The following STXBP5L variants were observed in gnomAD, a reference collection of about 807,000 sequenced individuals.
STXBP5L encodes syntaxin-binding protein 5-like.
STXBP5L carries 65 observed loss-of-function variants against 144.5 expected under a neutral mutation model. The observed-to-expected ratio is 0.45, with a 90% confidence interval of 0.37 to 0.55. The LOEUF (loss-of-function observed/expected upper bound fraction) is 0.55, where lower values mean the gene tolerates loss of function less well. Among genes scored for constraint, STXBP5L ranks in the 20% least tolerant of loss-of-function variants. STXBP5L has a pLI of 0.00. For missense variants in STXBP5L, 1,298 were observed against 1,405.5 expected (o/e 0.92, Z 1.22); for synonymous variants, 505 against 469.6 (o/e 1.08, Z -0.97).
intron 3 of STXBP5L, among the ~76,000 whole-genome samples, chr3:120,997,220 T>C (rs941726299): frequency 6.6e-6 from 1 of 152,212 alleles, no homozygotes; most frequent in East Asian, 1.9e-4. Flanking sequence ...ATTCCATGTC[T>C]TTCCTATTGT....
chr3:121,382,350 C>T (rs2046341257), intron 22 of STXBP5L, among the ~76,000 whole-genome samples: 1 of 152,024 alleles, frequency 6.6e-6, no homozygotes, highest in South Asian at 2.1e-4. Context: ...GTAGAATAGT[C>T]AGTTCTCTAC....
chr3:121,062,736 C>T (rs774125606), intron 5 of STXBP5L, among the ~76,000 whole-genome samples: 3 of 152,204 alleles, frequency 2.0e-5, no homozygotes, highest in African/African-American at 4.8e-5. Context: ...ATCTTGTCTT[C>T]GTGCTGTATT....
chr3:121,256,661 A>G (rs1252378302), intron 16 of STXBP5L, among the ~76,000 whole-genome samples: 2 of 151,998 alleles, frequency 1.3e-5, no homozygotes, highest in African/African-American at 4.8e-5. Flanking sequence ...AAAGTTTTTT[A>G]TACTAAAAGG....
chr3:121,228,193 C>T (rs919251142), intron 11 of STXBP5L, among the ~76,000 whole-genome samples: 7 of 152,126 alleles, frequency 4.6e-5, no homozygotes, highest in Non-Finnish European at 1.0e-4. Context: ...AACCTTAACC[C>T]TTGTAAAGTT....
rs975098296 is a variant in STXBP5L at position 121,178,220 on chromosome 3, A to G, written c.877+20593A>G. Among the ~76,000 whole-genome samples, 4 of 152,318 alleles carry G rather than the reference A, an allele frequency of 2.6e-5. No individual in the cohort carries two copies. In the East Asian group the frequency reaches 5.8e-4, roughly 22 times the overall value. On this transcript the variant is annotated intron_variant, in intron 9 of 26. Coordinates refer to ENST00000471454, the MANE Select transcript of STXBP5L (RefSeq NM_001308330.2). ...TAATGGTGGTGATTCTTGCACAACA[A>G]TGTGAATCTACTTACTGCCACTGAA... is the stretch of plus-strand genomic sequence containing the variant.
At chr3:121,298,182 T>C (rs925101265) in intron 19 of STXBP5L, among the ~76,000 whole-genome samples, 1 of 152,224 alleles carries the variant, frequency 6.6e-6, no homozygotes. Context: ...TTTTTTATAA[T>C]GGCCATCCTA....
At chr3:121,178,323 G>T (rs2047013836) in intron 9 of STXBP5L, among the ~76,000 whole-genome samples, 1 of 152,096 alleles carries the variant, frequency 6.6e-6, no homozygotes, top group Non-Finnish European at 1.5e-5. Flanking sequence ...ACATTTTCTA[G>T]TCTCCCTTAC....
intron 20 of STXBP5L, among the ~76,000 whole-genome samples, chr3:121,326,297 G>C (rs562015300): frequency 6.6e-6 from 1 of 152,110 alleles, no homozygotes; most frequent in East Asian, 1.9e-4. Context: ...CAAAATTAGA[G>C]ATATGTAGGC....
At chr3:121,170,005 C>T (rs1486098247) in intron 9 of STXBP5L, among the ~76,000 whole-genome samples, 3 of 152,002 alleles carry the variant, frequency 2.0e-5, no homozygotes, top group African/African-American at 4.8e-5. Flanking sequence ...TCTCTCAGAC[C>T]ACAGTGCAAT....
At chr3:121,266,713 T>G (rs751101577) in intron 18 of STXBP5L, among the ~76,000 whole-genome samples, 1 of 152,200 alleles carries the variant, frequency 6.6e-6, no homozygotes, top group African/African-American at 2.4e-5. Flanking sequence ...GACATGATTG[T>G]ATATTTAGAA....
chr3:121,109,279 T>G (rs2043868840), intron 5 of STXBP5L, among the ~76,000 whole-genome samples: 1 of 152,124 alleles, frequency 6.6e-6, no homozygotes, highest in African/African-American at 2.4e-5. Flanking sequence ...TCTGCTATCT[T>G]TGGGGTTTGT....
At chr3:121,090,130 A>T (rs1313279705) in intron 5 of STXBP5L, among the ~76,000 whole-genome samples, 1 of 152,110 alleles carries the variant, frequency 6.6e-6, no homozygotes, top group African/African-American at 2.4e-5. Flanking sequence ...GTGATTTTTA[A>T]ATTAAAACCT....
chr3:121,201,683 C>G (rs1210710479), intron 9 of STXBP5L, among the ~76,000 whole-genome samples: 2 of 151,674 alleles, frequency 1.3e-5, no homozygotes, highest in African/African-American at 4.8e-5. Flanking sequence ...TTAGTGCTTC[C>G]TTCAGGAGCT....
chr3:121,257,756 A>G lies in STXBP5L; in HGVS notation c.1832+423A>G, dbSNP rs569770138. On this transcript the variant is annotated intron_variant, in intron 17 of 26. Coordinates refer to ENST00000471454, the MANE Select transcript of STXBP5L (RefSeq NM_001308330.2). ...CCTGGGCAACATAGCAAGACCTTGTATCTACAAAAAATTTAAAAATTAACT... is the reference window on the plus strand; with the variant it reads ...CCTGGGCAACATAGCAAGACCTTGTGTCTACAAAAAATTTAAAAATTAACT... Among the ~76,000 whole-genome samples the G allele has an allele frequency of 5.3e-5, 8 of 152,226 alleles. No individual in the cohort carries two copies. In the South Asian group the frequency reaches 1.2e-3, roughly 24 times the overall value.
At chr3:120,965,527 A>G (rs1005738035) in intron 3 of STXBP5L, among the ~76,000 whole-genome samples, 1 of 152,146 alleles carries the variant, frequency 6.6e-6, no homozygotes, top group East Asian at 1.9e-4. Context: ...ATTCTCCTTC[A>G]TTTATGAAGC....
chr3:121,392,639 T>A (rs1445643439), intron 22 of STXBP5L, among the ~76,000 whole-genome samples: 1 of 151,980 alleles, frequency 6.6e-6, no homozygotes, highest in Non-Finnish European at 1.5e-5. Context: ...AGCCTTATAG[T>A]CTTTGACCTT....
intron 3 of STXBP5L, among the ~76,000 whole-genome samples, chr3:121,034,696 A>G (rs1946634077): frequency 6.6e-6 from 1 of 152,144 alleles, no homozygotes; most frequent in Non-Finnish European, 1.5e-5. Flanking sequence ...AAGTGGAATT[A>G]TCTTTTTGGT....
intron 3 of STXBP5L, among the ~76,000 whole-genome samples, chr3:121,014,646 G>A (rs779972963): frequency 2.6e-5 from 4 of 151,846 alleles, no homozygotes; most frequent in Non-Finnish European, 5.9e-5. Flanking sequence ...TAACTTCATA[G>A]GAAATTGCCA....
intron 7 of STXBP5L, among the ~76,000 whole-genome samples, chr3:121,131,784 G>A (rs796833215): frequency 6.6e-5 from 10 of 152,292 alleles, no homozygotes; most frequent in African/African-American, 2.4e-4. Flanking sequence ...GGCAGAATAG[G>A]AAGCCTGGGC....
Sources: allele counts gnomAD v4.1 joint callset (sites outside exome capture counted in the v4.1 genomes callset), GRCh38; gene constraint gnomAD v4.1.1; transcripts MANE v1.5; gene names NCBI Gene and HGNC (gene_info 2026-07-23, HGNC 2026-07-21).